PHACTR4: variants seen among roughly 807,000 people sequenced by gnomAD.
PHACTR4 encodes the protein protein phosphatase 1, regulatory subunit 124.
In PHACTR4, 51 loss-of-function variants were observed where a neutral mutation model predicts 72.7. That is an observed-to-expected ratio of 0.70 (90% CI 0.56 to 0.89). The LOEUF (loss-of-function observed/expected upper bound fraction) is 0.89. Among genes scored for constraint, PHACTR4 ranks in the 40% least tolerant of loss-of-function variants. The pLI, the probability that PHACTR4 is intolerant of heterozygous loss-of-function variation, is 0.00. For synonymous variants in PHACTR4, 255 were observed against 302.5 expected (o/e 0.84, Z 1.63); for missense variants, 731 against 861.8 (o/e 0.85, Z 1.90).
At chr1:28,466,012 C>T (rs185108406) in intron 5 of PHACTR4, among the ~76,000 whole-genome samples, 163 bp downstream of exon 5, 94 of 152,318 alleles carry the variant, frequency 6.2e-4, no homozygotes, top group Admixed American at 1.1e-3. Flanking sequence ...TCCCCCACCC[C>T]GCTTTTATTC....
chr1:28,374,076 T>A (rs1651460285), intron 1 of PHACTR4, among the ~76,000 whole-genome samples: 1 of 152,114 alleles, frequency 6.6e-6, no homozygotes, highest in South Asian at 2.1e-4. Flanking sequence ...AAACAATGAG[T>A]CTTTCTCTTA....
chr1:28,492,495 C>T (rs1661096786), intron 12 of PHACTR4, among the ~76,000 whole-genome samples: 1 of 151,650 alleles, frequency 6.6e-6, no homozygotes, highest in South Asian at 2.1e-4. Context: ...GGTGCAGTGG[C>T]TCACACCTGT....
chr1:28,478,124 C>T (rs1352277739), intron 8 of PHACTR4, among the ~76,000 whole-genome samples: 1 of 152,158 alleles, frequency 6.6e-6, no homozygotes, highest in African/African-American at 2.4e-5. Context: ...TTTTTTAGCT[C>T]CCACGTAAGA....
intron 2 of PHACTR4, among the ~76,000 whole-genome samples, chr1:28,451,553 C>G (rs556364037): frequency 1.3e-5 from 2 of 152,030 alleles, no homozygotes; most frequent in African/African-American, 4.8e-5. Flanking sequence ...ACAACAGGTG[C>G]GCATCACTGT....
intron 2 of PHACTR4, among the ~76,000 whole-genome samples, chr1:28,424,576 C>T (rs1164752811): frequency 6.6e-6 from 1 of 152,136 alleles, no homozygotes; most frequent in Non-Finnish European, 1.5e-5. Flanking sequence ...GCAACCTCCG[C>T]CTCCTGGGTT....
Position 28,498,108 on chromosome 1 carries a change from G to A in PHACTR4, c.*1559G>A, listed in dbSNP as rs1410074236. 1 of 151,822 alleles carries A rather than the reference G, an allele frequency of 6.6e-6. No individual in the cohort carries two copies. Among genetic ancestry groups the A allele is most frequent in the African/African-American group, 2.4e-5 (1 of 41,294 alleles). The allele number at this position is 151,822 out of a possible 1,614,324, so 9.4% of individuals were successfully genotyped here. A position where few individuals can be genotyped will look rare whatever the true frequency, so the allele number is the denominator to read the frequency against. On this transcript the variant is annotated 3_prime_UTR_variant, in exon 14 of 14. Coordinates refer to ENST00000373839, the MANE Select transcript of PHACTR4 (RefSeq NM_001048183.3). Reference sequence around the variant, plus strand: ...CAAATGATATTCTCTAAATCACTTCGACCAATAAATGTATTCTCCTCCTTA... The same window carrying A: ...CAAATGATATTCTCTAAATCACTTCAACCAATAAATGTATTCTCCTCCTTA...
Position 28,496,436 on chromosome 1 carries a change from C to T in PHACTR4, c.2094-98C>T, listed in dbSNP as rs116291167. 2.3e-4 allele frequency: 308 copies of T among 1,315,688 alleles called. 1 individual carries two copies. In the African/African-American group the frequency reaches 4.1e-3, roughly 17 times the overall value. 81.5% of individuals were successfully genotyped at this position (1,315,688 alleles called of 1,614,324 possible). ...AGGTCGAATTAGAGCAGAGGAAAGGCAGTGTTAATTAGGTATAACATTTCA... is the reference window on the plus strand; with the variant it reads ...AGGTCGAATTAGAGCAGAGGAAAGGTAGTGTTAATTAGGTATAACATTTCA... On this transcript the variant is annotated intron_variant, in intron 13 of 13. Coordinates refer to ENST00000373839, the MANE Select transcript of PHACTR4 (RefSeq NM_001048183.3).
At chr1:28,398,546 C>T (rs555607924) in intron 1 of PHACTR4, among the ~76,000 whole-genome samples, 1 of 151,324 alleles carries the variant, frequency 6.6e-6, no homozygotes, top group South Asian at 2.1e-4. Context: ...AGGCCGAGCA[C>T]GGTGGCTCAT....
intron 2 of PHACTR4, among the ~76,000 whole-genome samples, chr1:28,414,423 G>T (rs1475365445): frequency 8.9e-5 from 7 of 78,888 alleles, no homozygotes; most frequent in South Asian, 3.6e-4. Context: ...GTCTTCCTCT[G>T]TCTCAAAAAA....
chr1:28,436,259 T>C (rs944919767), intron 2 of PHACTR4, among the ~76,000 whole-genome samples: 1 of 152,132 alleles, frequency 6.6e-6, no homozygotes, highest in African/African-American at 2.4e-5. Flanking sequence ...TGTCTTTTTT[T>C]AAAAAATTAT....
chr1:28,406,313 A>G (rs1229224381), intron 1 of PHACTR4, among the ~76,000 whole-genome samples: 1 of 152,198 alleles, frequency 6.6e-6, no homozygotes, highest in Non-Finnish European at 1.5e-5. Flanking sequence ...TTCAAGATTT[A>G]ACTTGGTAAT....
intron 1 of PHACTR4, among the ~76,000 whole-genome samples, chr1:28,399,166 G>A (rs1653757783): frequency 6.6e-6 from 1 of 152,050 alleles, no homozygotes; most frequent in Non-Finnish European, 1.5e-5. Flanking sequence ...ACAAAAATTA[G>A]CTGGGTGTGG....
chr1:28,370,461 A>G (rs1651150701), intron 1 of PHACTR4, among the ~76,000 whole-genome samples: 1 of 152,164 alleles, frequency 6.6e-6, no homozygotes, highest in Non-Finnish European at 1.5e-5. Context: ...GCTCCGGGAA[A>G]CCGGGAAGGC....
intron 1 of PHACTR4, among the ~76,000 whole-genome samples, chr1:28,389,822 A>G (rs1250511228): frequency 6.6e-6 from 1 of 152,154 alleles, no homozygotes. Context: ...TTCCTCAAAA[A>G]ATTGAAAATA....
chr1:28,418,253 A>G (rs1655243109), intron 2 of PHACTR4, among the ~76,000 whole-genome samples: 1 of 152,070 alleles, frequency 6.6e-6, no homozygotes. Context: ...ACATGAGGTC[A>G]GGAGTTTGAG....
chr1:28,400,680 A>C (rs984826811), intron 1 of PHACTR4, among the ~76,000 whole-genome samples: 5 of 151,842 alleles, frequency 3.3e-5, no homozygotes, highest in Non-Finnish European at 7.4e-5. Flanking sequence ...CCCAGATTGA[A>C]GCGATTCTCC....
intron 2 of PHACTR4, among the ~76,000 whole-genome samples, chr1:28,412,435 C>T (rs1331760963): frequency 6.6e-6 from 1 of 152,118 alleles, no homozygotes; most frequent in Non-Finnish European, 1.5e-5. Flanking sequence ...TCATCATAAA[C>T]AGTAATAAAA....
At chr1:28,448,716 C>T (rs1276122381) in intron 2 of PHACTR4, among the ~76,000 whole-genome samples, 3 of 119,538 alleles carry the variant, frequency 2.5e-5, no homozygotes, top group East Asian at 2.4e-4. Flanking sequence ...GAGCCGAGAT[C>T]GTGCCACTGC....
intron 9 of PHACTR4, among the ~76,000 whole-genome samples, chr1:28,485,372 A>C (rs1660569222): frequency 6.6e-6 from 1 of 152,152 alleles, no homozygotes; most frequent in African/African-American, 2.4e-5. Flanking sequence ...GCAGATCACG[A>C]GGTCAGGAGG....
Sources: allele counts gnomAD v4.1 joint callset (sites outside exome capture counted in the v4.1 genomes callset), GRCh38; gene constraint gnomAD v4.1.1; transcripts MANE v1.5; gene names NCBI Gene and HGNC (gene_info 2026-07-23, HGNC 2026-07-21).